Variants in CLVS1 observed in about 807,000 individuals in gnomAD.
CLVS1 encodes clavesin-1.
CLVS1 carries 10 observed loss-of-function variants against 33.1 expected under a neutral mutation model. The ratio of observed to expected loss-of-function variants is 0.30; its 90% CI spans 0.19 to 0.51. The LOEUF (loss-of-function observed/expected upper bound fraction) is 0.51, where lower values mean the gene tolerates loss of function less well. Among genes scored for constraint, CLVS1 ranks in the 20% least tolerant of loss-of-function variants. The pLI is 0.97. For synonymous variants in CLVS1, 163 were observed against 166.1 expected, an observed-to-expected ratio of 0.98 and a Z score of 0.14; for missense variants, 343 against 433.4, an observed-to-expected ratio of 0.79 and a Z score of 1.85.
chr8:61,351,388 A>G (rs886170792), intron 2 of CLVS1, among the ~76,000 whole-genome samples: 16 of 152,108 alleles, frequency 1.1e-4, no homozygotes, highest in African/African-American at 3.4e-4. Flanking sequence ...GAATTTACCC[A>G]ATATGAACAG....
intron 1 of CLVS1, among the ~76,000 whole-genome samples, chr8:61,081,456 AG>A (rs145605595): frequency 0.022 from 3,323 of 152,296 alleles, 109 homozygotes; most frequent in African/African-American, 0.073. Context: ...TAAGAGCTAC[AG>A]GGGGTAAGGA....
intron 1 of CLVS1, among the ~76,000 whole-genome samples, chr8:61,094,129 T>G (rs1361252860): frequency 6.6e-6 from 1 of 152,176 alleles, no homozygotes; most frequent in African/African-American, 2.4e-5. Context: ...TTGATTCAAG[T>G]TTTTGAAGTC....
chr8:61,299,984 A>G lies in CLVS1; in HGVS notation c.157A>G (p.Ile53Val). The change falls in exon 2 of 6, where the codon ATT (isoleucine) becomes GTT (valine). Residue 53 changes from isoleucine to valine, a missense_variant. Physicochemically the swap from Ile to Val is conservative, Grantham distance 29. Around this residue, in one of 4 missense-constraint regions of CLVS1, gnomAD observed 88 missense variants for 77.3 expected, o/e 1.14. Transcript: ENST00000325897. ...NENPDVLHQD[I>V]QQVRDMIITR... ...AAACCCCGATGTTTTACATCAGGAT[A>G]TTCAGCAAGTCAGGGACATGATCAT... is the stretch of plus-strand genomic sequence containing the variant. 6.2e-7 allele frequency: 1 copy of G among 1,614,072 alleles called. No homozygotes were observed. The highest frequency in any genetic ancestry group is 8.5e-7 in the Non-Finnish European group (1 of 1,179,964).
intron 2 of CLVS1, among the ~76,000 whole-genome samples, chr8:61,374,509 T>A (rs956913209): frequency 1.3e-5 from 2 of 152,306 alleles, no homozygotes; most frequent in Non-Finnish European, 1.5e-5. Context: ...TTGTTCCTCT[T>A]AAATCAATGT....
chr8:61,202,857 A>C, intron 2 of CLVS1: 2 of 977,518 alleles, frequency 2.0e-6, no homozygotes, highest in South Asian at 1.3e-5. Context: ...ATGATGAAGA[A>C]GATGATGATG....
intron 2 of CLVS1, among the ~76,000 whole-genome samples, chr8:61,270,905 T>C (rs1809422729): frequency 6.6e-6 from 1 of 152,038 alleles, no homozygotes; most frequent in African/African-American, 2.4e-5. Flanking sequence ...TCTTCTCTCT[T>C]TTTTTCTTTA....
At chr8:61,091,019 C>T (rs1034113078) in intron 1 of CLVS1, 15 of 453,896 alleles carry the variant, frequency 3.3e-5, no homozygotes, top group South Asian at 2.4e-4. Flanking sequence ...CACCCTAATC[C>T]CCAGAACCTG....
intron 2 of CLVS1, among the ~76,000 whole-genome samples, chr8:61,138,784 G>A (rs1308640209): frequency 2.0e-5 from 3 of 152,206 alleles, no homozygotes; most frequent in Non-Finnish European, 4.4e-5. Context: ...AGAGCTGGGC[G>A]TCACATCTCA....
intron 5 of CLVS1, among the ~76,000 whole-genome samples, chr8:61,497,567 C>A (rs1360094931): frequency 6.6e-6 from 1 of 151,950 alleles, no homozygotes; most frequent in Non-Finnish European, 1.5e-5. Flanking sequence ...CAAAGTTAGT[C>A]TTTGGGTCAG....
chr8:61,459,559 T>A (rs1472559649), intron 5 of CLVS1, among the ~76,000 whole-genome samples: 5 of 148,572 alleles, frequency 3.4e-5, no homozygotes. Flanking sequence ...TTTGCATCCT[T>A]ATAGCTTAGC....
intron 2 of CLVS1, among the ~76,000 whole-genome samples, chr8:61,304,291 C>A (rs1020789820): frequency 6.6e-6 from 1 of 152,234 alleles, no homozygotes; most frequent in African/African-American, 2.4e-5. Context: ...AACACTATCC[C>A]GTGAGGGCTC....
chr8:61,423,422 C>G (rs1388753809), intron 3 of CLVS1, among the ~76,000 whole-genome samples: 2 of 152,196 alleles, frequency 1.3e-5, no homozygotes, highest in African/African-American at 4.8e-5. Context: ...ATGACTTTCA[C>G]CTCTTTTCTA....
At chr8:61,064,101 C>A (rs1025828349) in intron 1 of CLVS1, among the ~76,000 whole-genome samples, 45 of 152,062 alleles carry the variant, frequency 3.0e-4, no homozygotes, top group African/African-American at 1.0e-3. Flanking sequence ...ATGGATACAC[C>A]ACATTTTGTT....
chr8:61,450,928 C>T (rs971859217), intron 3 of CLVS1, among the ~76,000 whole-genome samples: 1 of 152,106 alleles, frequency 6.6e-6, no homozygotes, highest in African/African-American at 2.4e-5. Context: ...TAAAATACGG[C>T]AGATGAAGCA....
chr8:61,472,817 T>C (rs567160401), intron 5 of CLVS1, among the ~76,000 whole-genome samples: 2 of 152,148 alleles, frequency 1.3e-5, no homozygotes, highest in Non-Finnish European at 2.9e-5. Flanking sequence ...CTACTTTTCC[T>C]CTCTAGAAAG....
the CLVS1 span, among the ~76,000 whole-genome samples, chr8:60,974,309 A>G: frequency 3.3e-5 from 5 of 152,206 alleles, no homozygotes; most frequent in Non-Finnish European, 5.9e-5. Flanking sequence ...GGAGCTGCCA[A>G]ACTGCTCTCA....
chr8:61,010,539 C>A, the CLVS1 span, among the ~76,000 whole-genome samples: 2 of 152,188 alleles, frequency 1.3e-5, no homozygotes, highest in Non-Finnish European at 2.9e-5. Context: ...GCTCCTGGAC[C>A]AATTGACCTA....
At chr8:61,217,060 C>T (rs796277836) in intron 2 of CLVS1, among the ~76,000 whole-genome samples, 3 of 152,116 alleles carry the variant, frequency 2.0e-5, no homozygotes, top group South Asian at 2.1e-4. Context: ...TTTTAATGAA[C>T]CAAAATTTAT....
At chr8:61,259,722 G>C (rs1809158401) in intron 2 of CLVS1, among the ~76,000 whole-genome samples, 1 of 152,232 alleles carries the variant, frequency 6.6e-6, no homozygotes, top group Admixed American at 6.5e-5. Context: ...TTTGAAAACT[G>C]GTGCTGGTTG....
Sources: allele counts gnomAD v4.1 joint callset (sites outside exome capture counted in the v4.1 genomes callset), GRCh38; gene constraint gnomAD v4.1.1; regional missense constraint gnomAD v4.1.1; transcripts MANE v1.5; gene names NCBI Gene and HGNC (gene_info 2026-07-23, HGNC 2026-07-21).